Variants in MAN2A1 observed in about 807,000 individuals in gnomAD.
The protein encoded by MAN2A1 is mannosidase alpha class 2A member 1.
MAN2A1 carries 76 observed loss-of-function variants against 142.6 expected under a neutral mutation model. That is an observed-to-expected ratio of 0.53 (90% confidence interval 0.44 to 0.65). The LOEUF (loss-of-function observed/expected upper bound fraction) is 0.65. Among genes scored for constraint, MAN2A1 ranks in the 30% least tolerant of loss-of-function variants. MAN2A1 has a pLI of 0.00. For missense variants in MAN2A1, 1,311 were observed against 1,365.1 expected, an observed-to-expected ratio of 0.96 and a Z score of 0.62; for synonymous variants, 559 against 473.2, an observed-to-expected ratio of 1.18 and a Z score of -2.35.
chr5:109,749,772 TTC>T (rs976616220), intron 4 of MAN2A1, among the ~76,000 whole-genome samples: 4 of 152,076 alleles, frequency 2.6e-5, no homozygotes, highest in African/African-American at 9.6e-5. Flanking sequence ...TTAATTAACT[TTC>T]TCCACTAATA....
chr5:109,844,636 T>G (rs148776168), intron 17 of MAN2A1, among the ~76,000 whole-genome samples: 1 of 152,342 alleles, frequency 6.6e-6, no homozygotes, highest in Non-Finnish European at 1.5e-5. Flanking sequence ...CAGGGCCATA[T>G]TCCCTCCAAA....
At position 109,802,860 on chromosome 5, in the gene MAN2A1, G is replaced by T. The variant is rs1440779605; in HGVS notation, c.1943+13333G>T. Among the ~76,000 whole-genome samples, 5 of 151,658 alleles carry T rather than the reference G, an allele frequency of 3.3e-5. No individual in the cohort carries two copies. The South Asian group carries it at 1.0e-3, about 31-fold the overall frequency. ...AATTCATTTTTTCAAAAGATTTATC[G>T]TTCTATTCTTGCATCTCCTAAAATA... is the stretch of plus-strand genomic sequence containing the variant. On this transcript the variant is annotated intron_variant, in intron 12 of 21. Transcript: ENST00000261483.
At chr5:109,757,004 G>A (rs1276200929) in intron 5 of MAN2A1, among the ~76,000 whole-genome samples, 1 of 152,150 alleles carries the variant, frequency 6.6e-6, no homozygotes, top group Non-Finnish European at 1.5e-5. Flanking sequence ...TTTCGTGCTG[G>A]AGCATTTAAA....
At chr5:109,797,189 G>A (rs566031266) in intron 12 of MAN2A1, among the ~76,000 whole-genome samples, 4 of 152,102 alleles carry the variant, frequency 2.6e-5, no homozygotes, top group Non-Finnish European at 5.9e-5. Context: ...AAAATAGGGT[G>A]CAGCATGAAG....
At chr5:109,770,686 T>A in intron 7 of MAN2A1, 145 bp downstream of exon 7, 1 of 711,142 alleles carries the variant, frequency 1.4e-6, no homozygotes, top group Non-Finnish European at 2.3e-6. Context: ...TAAAGCAACT[T>A]AAAAATGCCA....
At chr5:109,731,806 G>A (rs6897826) in intron 4 of MAN2A1, among the ~76,000 whole-genome samples, 62,606 of 147,460 alleles carry the variant, frequency 0.42, 14,111 homozygotes, top group African/African-American at 0.59. Context: ...ATTGTGAATA[G>A]TGCCGCAATA....
chr5:109,780,351 A>G (rs1213302396), intron 8 of MAN2A1, among the ~76,000 whole-genome samples: 1 of 151,922 alleles, frequency 6.6e-6, no homozygotes, highest in Non-Finnish European at 1.5e-5. Flanking sequence ...GAGCCACCAC[A>G]CCCGGCCAGT....
At chr5:109,846,032 A>G (rs1486990700) in intron 18 of MAN2A1, 26 bp downstream of exon 18, 1 of 1,570,402 alleles carries the variant, frequency 6.4e-7, no homozygotes. Flanking sequence ...ACTCTTTTCC[A>G]CTCTGAAAGG....
intron 4 of MAN2A1, among the ~76,000 whole-genome samples, chr5:109,733,441 C>A (rs1398249472): frequency 6.6e-6 from 1 of 152,046 alleles, no homozygotes; most frequent in Admixed American, 6.6e-5. Flanking sequence ...GTCTTGTGCC[C>A]ATTTTCAAAG....
chr5:109,706,665 G>T (rs947038802), intron 1 of MAN2A1, among the ~76,000 whole-genome samples: 2 of 152,032 alleles, frequency 1.3e-5, no homozygotes, highest in Non-Finnish European at 1.5e-5. Flanking sequence ...CTTACATGGT[G>T]GGCACATTTG....
In MAN2A1 at chr5:109,813,648, C is replaced by T. The variant is rs188749985; in HGVS notation, c.1944-3625C>T. Among the ~76,000 whole-genome samples, 63 of 152,324 alleles carry T rather than the reference C, an allele frequency of 4.1e-4. 1 individual carries two copies. Among genetic ancestry groups the T allele is most frequent in the Middle Eastern group, 6.8e-3 (2 of 294 alleles). The stretch of plus-strand genomic sequence containing the variant: ...TACTGCAGCCAGTCCTAGAAGGAAG[C>T]CTGTGTGCTCCCAGTCTGTTGTTCA... On this transcript the variant is annotated intron_variant, in intron 12 of 21. Coordinates refer to ENST00000261483, the MANE Select transcript of MAN2A1 (RefSeq NM_002372.4).
intron 4 of MAN2A1, among the ~76,000 whole-genome samples, chr5:109,747,296 A>G (rs1008631986): frequency 2.7e-5 from 4 of 150,338 alleles, no homozygotes; most frequent in Admixed American, 1.3e-4. Flanking sequence ...CATGATAAGC[A>G]TTGACATGAA....
chr5:109,803,583 G>A (rs1314234511), intron 12 of MAN2A1, among the ~76,000 whole-genome samples: 1 of 151,848 alleles, frequency 6.6e-6, no homozygotes, highest in Non-Finnish European at 1.5e-5. Context: ...ATTATGATGA[G>A]GTATTTTGAT....
At chr5:109,833,191 C>T (rs1314615926) in intron 16 of MAN2A1, among the ~76,000 whole-genome samples, 4 of 150,778 alleles carry the variant, frequency 2.7e-5, no homozygotes, top group East Asian at 4.0e-4. Flanking sequence ...CCAGACTGGG[C>T]GGCCGGGCAG....
chr5:109,691,465 C>G (rs1340989227), intron 1 of MAN2A1, among the ~76,000 whole-genome samples: 1 of 152,112 alleles, frequency 6.6e-6, no homozygotes, highest in African/African-American at 2.4e-5. Flanking sequence ...GAACTCAAAC[C>G]CTGACAGGGC....
chr5:109,748,284 AG>A (rs1220858523), intron 4 of MAN2A1, among the ~76,000 whole-genome samples: 1 of 152,152 alleles, frequency 6.6e-6, no homozygotes, highest in Non-Finnish European at 1.5e-5. Flanking sequence ...CTTATCTGAT[AG>A]GTGAAAAGTG....
intron 10 of MAN2A1, 29 bp from the exon 11 acceptor site, chr5:109,788,905 C>T (rs1460243450): frequency 9.8e-7 from 1 of 1,023,366 alleles, no homozygotes; most frequent in East Asian, 2.4e-5. Context: ...TAAATTGTTT[C>T]TCAGACTAAT....
At chr5:109,793,864 G>A (rs569813721) in intron 12 of MAN2A1, among the ~76,000 whole-genome samples, 1 of 152,220 alleles carries the variant, frequency 6.6e-6, no homozygotes, top group African/African-American at 2.4e-5. Context: ...TTATTGTTAT[G>A]ATCAACATAG....
chr5:109,735,094 T>C (rs1752048908), intron 4 of MAN2A1, among the ~76,000 whole-genome samples: 1 of 152,192 alleles, frequency 6.6e-6, no homozygotes, highest in Non-Finnish European at 1.5e-5. Flanking sequence ...AGTTAGCTCT[T>C]CTTGTTGAAT....
Sources: allele counts gnomAD v4.1 joint callset (sites outside exome capture counted in the v4.1 genomes callset), GRCh38; gene constraint gnomAD v4.1.1; transcripts MANE v1.5; gene names NCBI Gene and HGNC (gene_info 2026-07-23, HGNC 2026-07-21).